LRFN5: variants seen among roughly 807,000 people sequenced by gnomAD.
LRFN5 encodes the protein leucine-rich repeat and fibronectin type-III domain-containing protein 5.
LRFN5 carries 24 observed loss-of-function variants against 45.6 expected under a neutral mutation model. That is an observed-to-expected ratio of 0.53 (90% CI 0.38 to 0.74). The LOEUF (loss-of-function observed/expected upper bound fraction) is 0.74, where lower values mean the gene tolerates loss of function less well. Among genes scored for constraint, LRFN5 ranks in the 30% least tolerant of loss-of-function variants. The pLI is 0.00. For missense variants in LRFN5, 776 were observed against 861.5 expected, an observed-to-expected ratio of 0.90 and a Z score of 1.24; for synonymous variants, 340 against 313.8, an observed-to-expected ratio of 1.08 and a Z score of -0.88.
intron 1 of LRFN5, among the ~76,000 whole-genome samples, chr14:41,657,854 C>T (rs1880451886): frequency 6.6e-6 from 1 of 151,538 alleles, no homozygotes; most frequent in African/African-American, 2.4e-5. Flanking sequence ...CTTGCTTTCT[C>T]TCGCATAGAA....
chr14:41,624,833 G>T (rs1265250569), intron 1 of LRFN5, among the ~76,000 whole-genome samples: 2 of 151,840 alleles, frequency 1.3e-5, no homozygotes, highest in Non-Finnish European at 2.9e-5. Flanking sequence ...GACATTCACA[G>T]GATTTATAAT....
intron 5 of LRFN5, 79 bp from the exon 6 acceptor site, chr14:41,904,079 C>G (rs1305699402): frequency 1.6e-6 from 2 of 1,236,178 alleles, no homozygotes; most frequent in Non-Finnish European, 2.3e-6. Context: ...ATTGCTAGCA[C>G]AATGATCTTA....
chr14:41,786,752 G>T (rs1886735803), intron 2 of LRFN5, among the ~76,000 whole-genome samples: 1 of 151,834 alleles, frequency 6.6e-6, no homozygotes, highest in Non-Finnish European at 1.5e-5. Flanking sequence ...ATGTTGAACT[G>T]CTCTGGAGTC....
At chr14:41,845,888 G>C (rs1042249989) in intron 2 of LRFN5, among the ~76,000 whole-genome samples, 2 of 152,144 alleles carry the variant, frequency 1.3e-5, no homozygotes, top group Admixed American at 1.3e-4. Context: ...TAATGAATAA[G>C]AGGGACATTT....
intron 1 of LRFN5, among the ~76,000 whole-genome samples, chr14:41,724,479 A>G (rs1470170213): frequency 6.6e-6 from 1 of 152,186 alleles, no homozygotes; most frequent in Non-Finnish European, 1.5e-5. Flanking sequence ...GCTAAAATAT[A>G]TTCTAAAATG....
chr14:41,666,089 T>C (rs1566610423), intron 1 of LRFN5, among the ~76,000 whole-genome samples: 1 of 152,008 alleles, frequency 6.6e-6, no homozygotes, highest in African/African-American at 2.4e-5. Context: ...TAAAAATTCA[T>C]TTTACTAACA....
At chr14:41,673,582 C>T (rs1266570575) in intron 1 of LRFN5, among the ~76,000 whole-genome samples, 1 of 149,136 alleles carries the variant, frequency 6.7e-6, no homozygotes, top group Admixed American at 6.6e-5. Context: ...GTGACCCCCC[C>T]CACCTCACTC....
At chr14:41,667,264 A>C (rs768251075) in intron 1 of LRFN5, among the ~76,000 whole-genome samples, 48 of 152,256 alleles carry the variant, frequency 3.2e-4, no homozygotes, top group Non-Finnish European at 5.6e-4. Context: ...TGAATTTCTC[A>C]TGGGTATTTT....
At chr14:41,817,294 T>A (rs1887954867) in intron 2 of LRFN5, among the ~76,000 whole-genome samples, 1 of 152,120 alleles carries the variant, frequency 6.6e-6, no homozygotes, top group Non-Finnish European at 1.5e-5. Context: ...TTGCTCTGTC[T>A]CTTCATAGGT....
intron 1 of LRFN5, among the ~76,000 whole-genome samples, chr14:41,723,278 A>G (rs1715236674): frequency 6.6e-6 from 1 of 152,080 alleles, no homozygotes; most frequent in African/African-American, 2.4e-5. Context: ...CAGGCTGCTG[A>G]GCAAGGCAAG....
At chr14:41,624,184 GA>G (rs963603398) in intron 1 of LRFN5, among the ~76,000 whole-genome samples, 9 of 151,912 alleles carry the variant, frequency 5.9e-5, no homozygotes, top group African/African-American at 2.2e-4. Context: ...TATTTCACTA[GA>G]TAAACATACT....
intron 2 of LRFN5, among the ~76,000 whole-genome samples, chr14:41,824,709 C>A (rs1423451297): frequency 1.3e-5 from 2 of 152,130 alleles, no homozygotes; most frequent in Non-Finnish European, 2.9e-5. Context: ...TTGTCTCAGG[C>A]AGTGGGGTGT....
intron 1 of LRFN5, among the ~76,000 whole-genome samples, chr14:41,672,117 GT>G (rs1030380490): frequency 2.0e-4 from 30 of 152,046 alleles, no homozygotes; most frequent in Non-Finnish European, 1.2e-4. Flanking sequence ...TCCTCTTTCT[GT>G]TTATTTTTTA....
chr14:41,858,702 T>G (rs1461788583), intron 2 of LRFN5, among the ~76,000 whole-genome samples: 2 of 152,182 alleles, frequency 1.3e-5, no homozygotes, highest in Non-Finnish European at 2.9e-5. Flanking sequence ...GAAACTCACT[T>G]TCACCACTCT....
chr14:41,650,686 T>C (rs1200883748), intron 1 of LRFN5, among the ~76,000 whole-genome samples: 1 of 152,100 alleles, frequency 6.6e-6, no homozygotes, highest in Non-Finnish European at 1.5e-5. Flanking sequence ...ATGGGAATAT[T>C]TATAAAGAAC....
chr14:41,658,204 T>C (rs756253219), intron 1 of LRFN5, among the ~76,000 whole-genome samples: 39 of 152,122 alleles, frequency 2.6e-4, no homozygotes, highest in Middle Eastern at 3.4e-3. Context: ...CAATAAGGTA[T>C]TGAAAACACA....
intron 1 of LRFN5, among the ~76,000 whole-genome samples, chr14:41,675,621 G>A (rs1881597274): frequency 6.6e-6 from 1 of 151,812 alleles, no homozygotes. Flanking sequence ...AGGGAGAGGG[G>A]AGAGGGGAGA....
At position 41,793,214 on chromosome 14, in the gene LRFN5, C is replaced by T. The variant is rs57527497; in HGVS notation, c.-21+26185C>T. ...AAATGTCCATGAAATTTTCACAATT[C>T]ATGTTCCTCTGCCGGGGCTCCAGCC... On this transcript the variant is annotated intron_variant, in intron 2 of 5. Coordinates refer to ENST00000298119, the MANE Select transcript of LRFN5 (RefSeq NM_152447.5). Among the ~76,000 whole-genome samples the T allele has an allele frequency of 6.1e-3, 927 of 151,910 alleles. 13 individuals are homozygous for T. The highest frequency in any genetic ancestry group is 0.021 in the African/African-American group (890 of 41,456).
chr14:41,661,290 C>A (rs890552139), intron 1 of LRFN5, among the ~76,000 whole-genome samples: 6 of 151,870 alleles, frequency 4.0e-5, no homozygotes, highest in Admixed American at 3.9e-4. Flanking sequence ...AAGAACTCTT[C>A]TCATTCAAGC....
Sources: gnomAD v4.1 joint callset for allele counts (sites outside exome capture counted in the v4.1 genomes callset) on GRCh38, gnomAD v4.1.1 for gene constraint, MANE v1.5 for transcripts, NCBI Gene and HGNC (gene_info 2026-07-23, HGNC 2026-07-21) for gene names.